Variants in TCEANC2 observed in about 807,000 individuals in gnomAD.
TCEANC2 encodes the protein transcription elongation factor A N-terminal and central domain-containing protein 2.
A neutral mutation model predicts 22.8 loss-of-function variants in TCEANC2; 20 were observed. The ratio of observed to expected loss-of-function variants is 0.88; its 90% CI spans 0.62 to 1.28. The LOEUF is 1.28. TCEANC2 is among the 50% of genes most tolerant of loss of function. The probability of loss-of-function intolerance (pLI) is 0.00; values close to 1 mark genes in which losing one functional copy is unlikely to be tolerated. For synonymous variants in TCEANC2, 84 were observed against 95.5 expected, an observed-to-expected ratio of 0.88 and a Z score of 0.70; for missense variants, 251 against 249.7, an observed-to-expected ratio of 1.01 and a Z score of -0.03.
intron 2 of TCEANC2, among the ~76,000 whole-genome samples, chr1:54,067,506 C>A (rs1390292778): frequency 6.6e-6 from 1 of 152,178 alleles, no homozygotes; most frequent in Non-Finnish European, 1.5e-5. Flanking sequence ...GTACTAAAAC[C>A]TGATTAGCAT....
At chr1:54,111,918 G>T (rs1658846868) in exon 5 of TCEANC2, 1 of 152,196 alleles carries the variant, frequency 6.6e-6, no homozygotes, top group South Asian at 2.1e-4. Flanking sequence ...CCAAGTCAAA[G>T]ATCAAGTCAG....
At chr1:54,067,199 G>A (rs143160630) in intron 2 of TCEANC2, among the ~76,000 whole-genome samples, 66 of 152,308 alleles carry the variant, frequency 4.3e-4, no homozygotes, top group African/African-American at 1.5e-3. Context: ...GTTACCCGCC[G>A]AATTCTTTAG....
At chr1:54,070,005 C>G (rs1658027560) in intron 3 of TCEANC2, among the ~76,000 whole-genome samples, 1 of 152,154 alleles carries the variant, frequency 6.6e-6, no homozygotes, top group African/African-American at 2.4e-5. Flanking sequence ...GGTCTGCCTC[C>G]CCTTGACCTC....
chr1:54,076,121 G>A (rs1387275735), intron 3 of TCEANC2, among the ~76,000 whole-genome samples: 2 of 151,950 alleles, frequency 1.3e-5, no homozygotes, highest in Admixed American at 6.6e-5. Context: ...TTAGGTTTAG[G>A]GGTACATGTG....
intron 4 of TCEANC2, among the ~76,000 whole-genome samples, chr1:54,094,960 A>G (rs1263848149): frequency 1.3e-5 from 2 of 152,120 alleles, no homozygotes; most frequent in Admixed American, 6.5e-5. Context: ...GCAACATAGC[A>G]AGACCCCATC....
intron 3 of TCEANC2, among the ~76,000 whole-genome samples, chr1:54,074,536 A>G (rs1658112749): frequency 6.6e-6 from 1 of 152,208 alleles, no homozygotes; most frequent in African/African-American, 2.4e-5. Context: ...AGCTGAGTCT[A>G]AAATCCAGAA....
intron 3 of TCEANC2, among the ~76,000 whole-genome samples, chr1:54,082,003 G>C (rs1348537125): frequency 6.6e-6 from 1 of 152,188 alleles, no homozygotes; most frequent in Non-Finnish European, 1.5e-5. Context: ...CTGTGTGCCA[G>C]TCCCTAATAA....
At chr1:54,054,551 A>G in intron 2 of TCEANC2, 27 bp downstream of exon 2, 2 of 1,601,700 alleles carry the variant, frequency 1.2e-6, no homozygotes, top group East Asian at 2.2e-5. Flanking sequence ...GGCTAGAGGA[A>G]ATGTGCAAAG....
At chr1:54,075,102 A>C (rs898060783) in intron 3 of TCEANC2, among the ~76,000 whole-genome samples, 1 of 152,242 alleles carries the variant, frequency 6.6e-6, no homozygotes, top group Non-Finnish European at 1.5e-5. Flanking sequence ...TATAGAATCT[A>C]TATTCATTCA....
rs144340908 is a variant in TCEANC2, at chr1:54,088,742, G to A, written c.390G>A (p.Ser130=). 46 of 1,599,252 alleles carry A rather than the reference G, an allele frequency of 2.9e-5. No homozygotes were observed. Among genetic ancestry groups the A allele is most frequent in the African/African-American group, 2.2e-4 (16 of 74,024 alleles). Residue 130 remains serine (S), a synonymous_variant, in exon 4 of 5, where the codon TCG becomes TCA. Coordinates refer to ENST00000234827, the MANE Select transcript of TCEANC2 (RefSeq NM_153035.3). ...IEVRSDPKTE[S]LRKNAQKLLS... ...TTAGAAGTGATCCCAAAACCGAGTCGTTGAGGAAAAATGCTCAGAAATTAC... is the reference window on the plus strand; with the variant it reads ...TTAGAAGTGATCCCAAAACCGAGTCATTGAGGAAAAATGCTCAGAAATTAC...
chr1:54,065,181 TATC>T, intron 2 of TCEANC2, among the ~76,000 whole-genome samples: 1 of 151,962 alleles, frequency 6.6e-6, no homozygotes, highest in East Asian at 1.9e-4. Flanking sequence ...AATGAAAAAA[TATC>T]ATTATTGAAG....
At chr1:54,092,904 A>G (rs1364146869) in intron 4 of TCEANC2, among the ~76,000 whole-genome samples, 1 of 152,206 alleles carries the variant, frequency 6.6e-6, no homozygotes, top group Non-Finnish European at 1.5e-5. Flanking sequence ...TCACAGGCAC[A>G]AACAAATAAG....
At chr1:54,074,023 A>G (rs1213318460) in intron 3 of TCEANC2, among the ~76,000 whole-genome samples, 1 of 152,206 alleles carries the variant, frequency 6.6e-6, no homozygotes, top group Non-Finnish European at 1.5e-5. Flanking sequence ...GGAGGGAATA[A>G]TAAGTTCCAT....
intron 3 of TCEANC2, among the ~76,000 whole-genome samples, chr1:54,084,953 T>G (rs1658313128): frequency 6.6e-6 from 1 of 152,166 alleles, no homozygotes; most frequent in Non-Finnish European, 1.5e-5. Flanking sequence ...GGGTGCTTTG[T>G]GCTTTGTGCA....
At chr1:54,072,515 G>C (rs1272546085) in intron 3 of TCEANC2, among the ~76,000 whole-genome samples, 1 of 151,872 alleles carries the variant, frequency 6.6e-6, no homozygotes, top group East Asian at 1.9e-4. Context: ...TCCTGCCTCA[G>C]CCTCCCAAGT....
At position 54,106,031 on chromosome 1, in the gene TCEANC2, T is replaced by C. The variant is rs1468812667; in HGVS notation, c.*9558T>C. 2 of 152,210 alleles carry C rather than the reference T, an allele frequency of 1.3e-5. No homozygotes were observed. The highest frequency in any genetic ancestry group is 1.3e-4 in the Admixed American group (2 of 15,286). 9.4% of individuals were successfully genotyped at this position (152,210 alleles called of 1,614,324 possible). A position where few individuals can be genotyped will look rare whatever the true frequency, so the allele number is the denominator to read the frequency against. ...GTAATACAAAAGCAGCTGTGGACAGTATGTAAATGAATGAATGTGGCTGTG... is the reference window on the plus strand; with the variant it reads ...GTAATACAAAAGCAGCTGTGGACAGCATGTAAATGAATGAATGTGGCTGTG... On this transcript the variant is annotated 3_prime_UTR_variant, in exon 5 of 5. Transcript: ENST00000234827.
chr1:54,079,831 C>CCA (rs1335727103), intron 3 of TCEANC2, among the ~76,000 whole-genome samples: 1 of 152,170 alleles, frequency 6.6e-6, no homozygotes, highest in African/African-American at 2.4e-5. Context: ...CTACCATATA[C>CCA]CATACTCCTC....
At chr1:54,086,377 A>T (rs1038453016) in intron 3 of TCEANC2, among the ~76,000 whole-genome samples, 11 of 152,224 alleles carry the variant, frequency 7.2e-5, no homozygotes, top group Non-Finnish European at 1.3e-4. Context: ...AAGGAAGCAG[A>T]GAGCAGGGGT....
intron 2 of TCEANC2, among the ~76,000 whole-genome samples, chr1:54,061,052 T>G (rs551557015): frequency 1.3e-5 from 2 of 152,250 alleles, no homozygotes; most frequent in African/African-American, 2.4e-5. Flanking sequence ...AGGATTTGAC[T>G]AGGTCTGATA....
Sources: gnomAD v4.1 joint callset for allele counts (sites outside exome capture counted in the v4.1 genomes callset) on GRCh38, gnomAD v4.1.1 for gene constraint, MANE v1.5 for transcripts, NCBI Gene and HGNC (gene_info 2026-07-23, HGNC 2026-07-21) for gene names.